MZT2B: variants seen among roughly 807,000 people sequenced by gnomAD.
MZT2B encodes the protein mitotic-spindle organizing protein 2B.
A neutral mutation model predicts 12.1 loss-of-function variants in MZT2B; 11 were observed. The observed-to-expected ratio is 0.91, with a 90% CI of 0.57 to 1.50. MZT2B has a LOEUF of 1.50. Ranked by LOEUF, MZT2B falls within the 40% of genes most tolerant of loss-of-function variation. The probability of loss-of-function intolerance (pLI) is 0.00; values close to 1 mark genes in which losing one functional copy is unlikely to be tolerated. For synonymous variants in MZT2B, 85 were observed against 109.5 expected, an observed-to-expected ratio of 0.78 and a Z score of 1.40; for missense variants, 209 against 227.7, an observed-to-expected ratio of 0.92 and a Z score of 0.53.
downstream of MZT2B, among the ~76,000 whole-genome samples, chr2:130,194,826 T>A (rs1454656597): frequency 6.6e-6 from 1 of 152,168 alleles, no homozygotes; most frequent in Non-Finnish European, 1.5e-5. Context: ...TACAGGTGTG[T>A]GCCACCACAC....
At chr2:130,191,918 G>T, downstream of MZT2B, 2 of 1,613,304 alleles carry the variant, frequency 1.2e-6, no homozygotes, top group Non-Finnish European at 8.5e-7. Flanking sequence ...CCAGGTCCTC[G>T]CGGGCCTCAG....
At chr2:130,185,486 A>C (rs1298491539) in intron 2 of MZT2B, among the ~76,000 whole-genome samples, 1 of 112,540 alleles carries the variant, frequency 8.9e-6, no homozygotes, top group African/African-American at 3.8e-5. Context: ...TCTCAAAAAA[A>C]AAAAAAAAAG....
intron 2 of MZT2B, among the ~76,000 whole-genome samples, chr2:130,187,278 C>T (rs1690102499): frequency 6.6e-6 from 1 of 152,136 alleles, no homozygotes; most frequent in Non-Finnish European, 1.5e-5. Context: ...GCAGCTTCAA[C>T]CTCGTGGGCT....
the MZT2B span, among the ~76,000 whole-genome samples, chr2:130,203,923 C>T: frequency 2.2e-3 from 255 of 117,148 alleles, 28 homozygotes; most frequent in African/African-American, 8.3e-3. Context: ...CATGCAGTTG[C>T]GAGGTCTTTC....
chr2:130,187,444 C>T (rs966352354), intron 2 of MZT2B, among the ~76,000 whole-genome samples: 19 of 152,206 alleles, frequency 1.2e-4, no homozygotes, highest in Non-Finnish European at 2.8e-4. Context: ...CCGCCTTGGC[C>T]TCCCAAAGTA....
the MZT2B span, among the ~76,000 whole-genome samples, chr2:130,201,125 C>A: frequency 6.6e-6 from 1 of 152,230 alleles, no homozygotes; most frequent in Non-Finnish European, 1.5e-5. Context: ...TGAGACTTTT[C>A]TGTGGCCTTT....
At chr2:130,191,684 C>A (rs1163756594), downstream of MZT2B, 73 of 1,412,152 alleles carry the variant, frequency 5.2e-5, no homozygotes, top group Non-Finnish European at 6.2e-5. Flanking sequence ...GCTGTCCATG[C>A]AGGCTCTGGG....
chr2:130,198,073 T>G, the MZT2B span, among the ~76,000 whole-genome samples: 4 of 123,004 alleles, frequency 3.3e-5, 1 homozygote, highest in Non-Finnish European at 7.2e-5. Context: ...AGCGCCCTCC[T>G]GTCTTCAGGA....
rs550532249 is a variant in MZT2B at position 130,184,603 on chromosome 2, C to T, written c.319+1828C>T. 3.1e-5 allele frequency: 31 copies of T among 985,380 alleles called. 1 individual carries two copies. The South Asian group carries it at 1.2e-3, about 37-fold the overall frequency. 61.0% of individuals were successfully genotyped at this position (985,380 alleles called of 1,614,324 possible). On this transcript the variant is annotated intron_variant, in intron 2 of 2. Coordinates refer to ENST00000281871, the MANE Select transcript of MZT2B (RefSeq NM_025029.5). Reference sequence around the variant, plus strand: ...TGACAGCGCCCACCTCACTGCCACCCAGAGCTCGGACCCAAGGGAGGGTGG... The same window carrying T: ...TGACAGCGCCCACCTCACTGCCACCTAGAGCTCGGACCCAAGGGAGGGTGG...
chr2:130,202,662 C>A, the MZT2B span, among the ~76,000 whole-genome samples: 5 of 152,170 alleles, frequency 3.3e-5, no homozygotes, highest in Admixed American at 6.5e-5. Flanking sequence ...GCCATGGGTG[C>A]CTTTCAGCGT....
chr2:130,201,586 G>GC, the MZT2B span, among the ~76,000 whole-genome samples: 3 of 152,036 alleles, frequency 2.0e-5, no homozygotes, highest in Admixed American at 1.3e-4. Context: ...TCTAATATTG[G>GC]CGGGGGGGGA....
rs537332307 is a variant in MZT2B at position 130,183,887 on chromosome 2, G to T, written c.319+1112G>T. The T allele has an allele frequency of 3.2e-6, 5 of 1,550,422 alleles. No homozygotes were observed. In the South Asian group the frequency reaches 5.9e-5, roughly 18 times the overall value. On this transcript the variant is annotated intron_variant, in intron 2 of 2. Coordinates refer to ENST00000281871, the MANE Select transcript of MZT2B (RefSeq NM_025029.5). ...CCTCTCCGGTTCTGCTCCACAGCCC[G>T]GCTGCCACACACTCGCCTCTCTCTC...
intron 2 of MZT2B, chr2:130,188,238 G>A (rs1475262933): frequency 6.3e-6 from 1 of 158,554 alleles, no homozygotes; most frequent in African/African-American, 2.4e-5. Flanking sequence ...GCGTGCTGTG[G>A]GGAGCTGAGA....
downstream of MZT2B, among the ~76,000 whole-genome samples, chr2:130,192,315 A>G (rs1690283939): frequency 1.3e-5 from 2 of 152,252 alleles, no homozygotes; most frequent in Non-Finnish European, 2.9e-5. Context: ...AGAGAAAGGA[A>G]CCTTGGAGGT....
the MZT2B span, among the ~76,000 whole-genome samples, chr2:130,203,005 G>A: frequency 6.7e-6 from 1 of 149,690 alleles, no homozygotes; most frequent in South Asian, 2.1e-4. Flanking sequence ...ATGCCATTAA[G>A]TATAGTAATA....
intron 2 of MZT2B, among the ~76,000 whole-genome samples, chr2:130,187,057 CAAAG>C (rs1445551798): frequency 6.7e-6 from 1 of 149,534 alleles, no homozygotes; most frequent in African/African-American, 2.5e-5. Flanking sequence ...CCCATTTCTA[CAAAG>C]AAACAAGAAA....
At chr2:130,202,827 C>T in the MZT2B span, among the ~76,000 whole-genome samples, 1 of 152,160 alleles carries the variant, frequency 6.6e-6, no homozygotes, top group Non-Finnish European at 1.5e-5. Context: ...CTGCGCCTGA[C>T]ACCAGTGACC....
At chr2:130,202,320 A>G in the MZT2B span, 12 of 1,289,484 alleles carry the variant, frequency 9.3e-6, no homozygotes, top group Non-Finnish European at 1.1e-5. Flanking sequence ...CTCATATTCA[A>G]ACAGGCTTGA....
chr2:130,193,058 A>G (rs1288770227), downstream of MZT2B, among the ~76,000 whole-genome samples: 1 of 150,638 alleles, frequency 6.6e-6, no homozygotes, highest in East Asian at 2.0e-4. Flanking sequence ...GTGCCACTGC[A>G]TTCCAACCTG....
Sources: allele counts gnomAD v4.1 joint callset (sites outside exome capture counted in the v4.1 genomes callset), GRCh38; gene constraint gnomAD v4.1.1; transcripts MANE v1.5; gene names NCBI Gene and HGNC (gene_info 2026-07-23, HGNC 2026-07-21).